The following HPSE2 variants were observed in gnomAD, a reference collection of about 807,000 sequenced individuals.
HPSE2 encodes inactive heparanase-2.
A neutral mutation model predicts 60.5 loss-of-function variants in HPSE2; 38 were observed. The ratio of observed to expected loss-of-function variants is 0.63; its 90% CI spans 0.48 to 0.82. The LOEUF is 0.82. HPSE2 is among the 40% of genes least tolerant of loss of function. The probability of loss-of-function intolerance (pLI) is 0.00; values close to 1 mark genes in which losing one functional copy is unlikely to be tolerated. For synonymous variants in HPSE2, 295 were observed against 293.2 expected, an observed-to-expected ratio of 1.01 and a Z score of -0.06; for missense variants, 713 against 740.4, an observed-to-expected ratio of 0.96 and a Z score of 0.43.
At chr10:98,915,272 C>T (rs975197389) in intron 3 of HPSE2, among the ~76,000 whole-genome samples, 1 of 151,510 alleles carries the variant, frequency 6.6e-6, no homozygotes, top group African/African-American at 2.4e-5. Context: ...CTCAGCGTCC[C>T]GAGTAGCTAA....
the HPSE2 span, among the ~76,000 whole-genome samples, chr10:99,285,948 C>A: frequency 4.6e-5 from 7 of 152,222 alleles, no homozygotes; most frequent in South Asian, 1.4e-3. Flanking sequence ...TATACACACA[C>A]AATCAGCAGG....
At chr10:99,314,199 G>T in the HPSE2 span, among the ~76,000 whole-genome samples, 2 of 152,142 alleles carry the variant, frequency 1.3e-5, no homozygotes, top group South Asian at 4.1e-4. Context: ...GTTTGTCTCT[G>T]CAGCCCAGGC....
chr10:98,524,586 A>G (rs1487930099), intron 9 of HPSE2, among the ~76,000 whole-genome samples: 1 of 152,184 alleles, frequency 6.6e-6, no homozygotes, highest in African/African-American at 2.4e-5. Context: ...ATATAGAAGG[A>G]CAGGGAAAGA....
At chr10:99,146,800 G>T (rs1472656413) in intron 2 of HPSE2, among the ~76,000 whole-genome samples, 2 of 152,156 alleles carry the variant, frequency 1.3e-5, no homozygotes, top group African/African-American at 4.8e-5. Flanking sequence ...AGCGGAGGTT[G>T]CAGTGAGCCG....
chr10:98,705,065 A>G (rs1948510113), intron 5 of HPSE2, among the ~76,000 whole-genome samples: 1 of 152,252 alleles, frequency 6.6e-6, no homozygotes, highest in South Asian at 2.1e-4. Flanking sequence ...ATTTACAAGA[A>G]AAAAACAACC....
chr10:98,531,961 T>C (rs682247), intron 9 of HPSE2, among the ~76,000 whole-genome samples: 131,054 of 152,218 alleles, frequency 0.86, 57,377 homozygotes, highest in East Asian at 1. Flanking sequence ...TCCATAACTG[T>C]TAGTTGTTTT....
intron 9 of HPSE2, among the ~76,000 whole-genome samples, chr10:98,523,090 T>C (rs764060351): frequency 1.2e-4 from 18 of 150,244 alleles, no homozygotes; most frequent in Admixed American, 2.0e-4. Flanking sequence ...CACCCAACCA[T>C]TGGAAAGGTT....
intron 3 of HPSE2, among the ~76,000 whole-genome samples, chr10:98,999,030 G>A (rs906537417): frequency 2.0e-5 from 3 of 152,106 alleles, no homozygotes; most frequent in African/African-American, 4.8e-5. Context: ...AAGAGGAGAG[G>A]GGTTTCTTAG....
intron 9 of HPSE2, among the ~76,000 whole-genome samples, chr10:98,558,770 A>G (rs1944086829): frequency 6.6e-6 from 1 of 152,216 alleles, no homozygotes; most frequent in South Asian, 2.1e-4. Flanking sequence ...TTCAACAAAA[A>G]GTTTTTGAAA....
At chr10:99,132,565 T>C (rs994976313) in intron 3 of HPSE2, among the ~76,000 whole-genome samples, 1 of 151,870 alleles carries the variant, frequency 6.6e-6, no homozygotes, top group Non-Finnish European at 1.5e-5. Context: ...TTGGGTCTGG[T>C]TGGATAGTAG....
At chr10:99,243,595 C>A in the HPSE2 span, among the ~76,000 whole-genome samples, 1 of 152,082 alleles carries the variant, frequency 6.6e-6, no homozygotes, top group Admixed American at 6.5e-5. Flanking sequence ...ACATATTAAT[C>A]AATCTTAAAG....
At chr10:98,569,117 G>A (rs979412070) in intron 9 of HPSE2, among the ~76,000 whole-genome samples, 3 of 149,084 alleles carry the variant, frequency 2.0e-5, no homozygotes, top group Non-Finnish European at 3.0e-5. Context: ...AGGCTGGAGT[G>A]CAATGGCTCG....
chr10:99,305,969 G>GCACACACACA, the HPSE2 span, among the ~76,000 whole-genome samples: 23 of 50,920 alleles, frequency 4.5e-4, no homozygotes, highest in South Asian at 1.7e-3. Context: ...ACACGCGCGC[G>GCACACACACA]CGCGCGCGCG....
At chr10:98,985,898 C>A (rs1257382496) in intron 3 of HPSE2, among the ~76,000 whole-genome samples, 1 of 152,022 alleles carries the variant, frequency 6.6e-6, no homozygotes, top group African/African-American at 2.4e-5. Flanking sequence ...ATAAAGAAGG[C>A]CATTACATAA....
chr10:98,459,808 C>A (rs1591203388), intron 11 of HPSE2, 69 bp from the exon 12 acceptor site: 2 of 1,445,880 alleles, frequency 1.4e-6, no homozygotes, highest in Admixed American at 1.9e-5. Flanking sequence ...CAAAGCCTAG[C>A]CCCAGATGGC....
intron 5 of HPSE2, among the ~76,000 whole-genome samples, chr10:98,709,948 A>C (rs1394264305): frequency 6.6e-6 from 1 of 152,192 alleles, no homozygotes; most frequent in Non-Finnish European, 1.5e-5. Context: ...AACTGAGTAC[A>C]TACTTTAATA....
At chr10:98,909,542 A>G (rs947184846) in intron 3 of HPSE2, among the ~76,000 whole-genome samples, 6 of 151,722 alleles carry the variant, frequency 4.0e-5, no homozygotes, top group Non-Finnish European at 7.4e-5. Flanking sequence ...AGGCAGAAGA[A>G]TCGCTTGAAC....
intron 3 of HPSE2, among the ~76,000 whole-genome samples, chr10:99,143,121 T>C (rs1845923550): frequency 2.0e-5 from 3 of 152,296 alleles, no homozygotes; most frequent in African/African-American, 7.2e-5. Flanking sequence ...TTTTAAGTTT[T>C]CCCTTCTTAA....
intron 3 of HPSE2, among the ~76,000 whole-genome samples, chr10:98,867,820 G>C (rs535146483): frequency 6.6e-6 from 1 of 152,276 alleles, no homozygotes; most frequent in African/African-American, 2.4e-5. Context: ...AGCACTTTGG[G>C]AGGCCAAGGC....
Sources: allele counts gnomAD v4.1 joint callset (sites outside exome capture counted in the v4.1 genomes callset), GRCh38; gene constraint gnomAD v4.1.1; transcripts MANE v1.5; gene names NCBI Gene and HGNC (gene_info 2026-07-23, HGNC 2026-07-21).